ABHD1: variants seen among roughly 807,000 people sequenced by gnomAD.
ABHD1 encodes the protein protein ABHD1.
In ABHD1, 47 loss-of-function variants were observed where a neutral mutation model predicts 41.4. That is an observed-to-expected ratio of 1.13 (90% CI 0.90 to 1.45). The LOEUF (loss-of-function observed/expected upper bound fraction) is 1.45, where lower values mean the gene tolerates loss of function less well. ABHD1 is among the 40% of genes most tolerant of loss of function. The pLI is 0.00. For missense variants in ABHD1, 550 were observed against 503.4 expected (o/e 1.09, Z -0.89); for synonymous variants, 205 against 203.7 (o/e 1.01, Z -0.05).
In ABHD1 at chr2:27,123,843, C is replaced by G; in HGVS notation, c.-106C>G. On this transcript the variant is annotated 5_prime_UTR_variant, in exon 1 of 9. Transcript: ENST00000316470. ...AGCGCAAACTGCCTGCAGCGGGGAC[C>G]GGACCTGCACAGGCCGCCTATGGCG... 1 of 935,924 alleles carries G rather than the reference C, an allele frequency of 1.1e-6. No homozygotes were observed. Among genetic ancestry groups the G allele is most frequent in the Non-Finnish European group, 1.7e-6 (1 of 594,996 alleles). 58.0% of individuals were successfully genotyped at this position (935,924 alleles called of 1,614,324 possible). A position where few individuals can be genotyped will look rare whatever the true frequency, so the allele number is the denominator to read the frequency against.
At chr2:27,124,237 T>C (rs1279498264) in intron 1 of ABHD1, 175 bp downstream of exon 1, 1 of 708,854 alleles carries the variant, frequency 1.4e-6, no homozygotes, top group South Asian at 1.5e-5. Flanking sequence ...TCCCATGTGA[T>C]CCCCATGCCA....
At chr2:27,127,236 C>CTTTTTTT (rs61505752) in intron 1 of ABHD1, among the ~76,000 whole-genome samples, 10 of 82,714 alleles carry the variant, frequency 1.2e-4, no homozygotes, top group African/African-American at 3.8e-4. Flanking sequence ...GTAGCTTCAT[C>CTTTTTTT]TTTTTTTTTT....
intron 1 of ABHD1, chr2:27,126,634 CAGGGCTT>C (rs1476159762): frequency 1.3e-5 from 2 of 152,370 alleles, no homozygotes; most frequent in Admixed American, 1.3e-4. Flanking sequence ...AGCTGAAAGT[CAGGGCTT>C]AGTGCCCACT....
intron 2 of ABHD1, 63 bp downstream of exon 2, chr2:27,128,664 C>T: frequency 6.3e-7 from 1 of 1,591,324 alleles, no homozygotes; most frequent in Non-Finnish European, 8.6e-7. Flanking sequence ...ACCTATCTAC[C>T]ACTTTTAAAA....
chr2:27,130,642 CAT>C lies in ABHD1; in HGVS notation c.1117_1118del (p.Met373GlufsTer20). 1.2e-6 allele frequency: 2 copies of C among 1,614,206 alleles called. No homozygotes were observed. The highest frequency in any genetic ancestry group is 1.7e-6 in the Non-Finnish European group (2 of 1,180,016). ...GGCTGCTCCCGTGGCAGCACTGGTACATGAGCCGCCTCTTGCATCAGTACGCC... is the reference window on the plus strand; with the variant it reads ...GGCTGCTCCCGTGGCAGCACTGGTACGAGCCGCCTCTTGCATCAGTACGCC... ...EGLLPWQHWY[M>X]SRLLHQYAKA... On this transcript the variant is annotated frameshift_variant, in exon 9 of 9. Coordinates refer to ENST00000316470, the MANE Select transcript of ABHD1 (RefSeq NM_032604.4). LOFTEE classifies it low-confidence loss of function (END_TRUNC).
rs1558475360 is a variant in ABHD1 at position 27,129,572 on chromosome 2, TA to T, written c.566del (p.Lys189SerfsTer22). The T allele has an allele frequency of 6.2e-7, 1 of 1,614,026 alleles. No individual in the cohort carries two copies. The highest frequency in any genetic ancestry group is 8.5e-7 in the Non-Finnish European group (1 of 1,180,042). ...GATCTAGAGACAGTCGTGAACCACA[TA>T]AAGCATCGTTATCCCCAAGCTCCAC... The part of the protein sequence containing the change: ...TEDLETVVNH[I>X]KHRYPQAPLL... On this transcript the variant is annotated frameshift_variant, in exon 5 of 9. Coordinates refer to ENST00000316470, the MANE Select transcript of ABHD1 (RefSeq NM_032604.4). LOFTEE classifies it high-confidence loss of function.
chr2:27,130,641 A>G lies in ABHD1; in HGVS notation c.1115A>G (p.Tyr372Cys), dbSNP rs148295709. 3.2e-3 allele frequency: 5,132 copies of G among 1,614,204 alleles called. 17 individuals carry two copies. Among genetic ancestry groups the G allele is most frequent in the Non-Finnish European group, 4.0e-3 (4,767 of 1,180,018 alleles). Residue 372 changes from tyrosine (Y) to cysteine (C), a missense_variant, in exon 9 of 9, where the codon TAC becomes TGC. Tyr to Cys is a radical substitution (Grantham distance 194, BLOSUM62 -2). Coordinates refer to ENST00000316470, the MANE Select transcript of ABHD1 (RefSeq NM_032604.4). ...LEGLLPWQHW[Y>C]MSRLLHQYAK... is the part of the protein sequence containing the mutation. ...GGGCTGCTCCCGTGGCAGCACTGGT[A>G]CATGAGCCGCCTCTTGCATCAGTAC...
rs1386300731 is a variant in ABHD1 at position 27,130,322 on chromosome 2, C to T, written c.912C>T (p.Tyr304=). The T allele has an allele frequency of 1.2e-6, 2 of 1,614,184 alleles. No individual in the cohort carries two copies. Among genetic ancestry groups the T allele is most frequent in the South Asian group, 2.2e-5 (2 of 91,084 alleles). The part of the protein sequence containing the change: ...VAFGYQDCVT[Y]YKAASPRTKI... ...TTGGATATCAAGACTGTGTTACCTA[C>T]TACAAAGCAGCAAGCCCTAGAACCA... The change falls in exon 8 of 9, where the codon TAC becomes TAT. Residue 304 remains tyrosine, a synonymous_variant. Coordinates refer to ENST00000316470, the MANE Select transcript of ABHD1 (RefSeq NM_032604.4).
Position 27,129,815 on chromosome 2 carries a change from ACT to A in ABHD1, c.682_683del (p.Leu228ValfsTer8), listed in dbSNP as rs1208004970. The part of the protein sequence containing the change: ...RQAAGLVAAL[T>X]LSACWDSFET... ...GGCTGCAGGGCTGGTGGCAGCACTG[ACT>A]CTGTCTGCATGCTGGGATTCCTTTG... is the stretch of plus-strand genomic sequence containing the variant. On this transcript the variant is annotated frameshift_variant, in exon 6 of 9. Coordinates refer to ENST00000316470, the MANE Select transcript of ABHD1 (RefSeq NM_032604.4). LOFTEE classifies it high-confidence loss of function. 13 of 1,613,940 alleles carry A rather than the reference ACT, an allele frequency of 8.1e-6. No homozygotes were observed. In the South Asian group the frequency reaches 9.9e-5, roughly 12 times the overall value.
In ABHD1 at chr2:27,129,298, T is replaced by C. The variant is rs748774549; in HGVS notation, c.459-18T>C. On this transcript the variant is annotated intron_variant, in intron 3 of 8. Coordinates refer to ENST00000316470, the MANE Select transcript of ABHD1 (RefSeq NM_032604.4). ...GGCTAAGAAGGGTCTGGCTAAGATG[T>C]ACCTGTGTGTGCCACAGGGCTGTCG... The C allele has an allele frequency of 1.4e-5, 22 of 1,613,948 alleles. No individual in the cohort carries two copies. Among genetic ancestry groups the C allele is most frequent in the African/African-American group, 2.7e-5 (2 of 74,924 alleles).
At chr2:27,128,840 G>A in intron 2 of ABHD1, 105 bp from the exon 3 acceptor site, 6 of 1,365,682 alleles carry the variant, frequency 4.4e-6, no homozygotes, top group Admixed American at 2.1e-5. Flanking sequence ...AGATGATGCT[G>A]ACGGGAAGTG....
rs992111282 is a variant in ABHD1 at position 27,124,138 on chromosome 2, G to A, written c.114+76G>A. ...CTTCCAGACACGGGCTTGGGCCCTT[G>A]GTGGGAACTGGGATGGTTGGGCTTC... is the stretch of plus-strand genomic sequence containing the variant. On this transcript the variant is annotated intron_variant, in intron 1 of 8. Coordinates refer to ENST00000316470, the MANE Select transcript of ABHD1 (RefSeq NM_032604.4). The A allele has an allele frequency of 3.0e-6, 4 of 1,354,852 alleles. No homozygotes were observed. In the African/African-American group the frequency reaches 4.3e-5, roughly 15 times the overall value. The allele number at this position is 1,354,852 out of a possible 1,614,324, so 83.9% of individuals were successfully genotyped here. A position where few individuals can be genotyped will look rare whatever the true frequency, so the allele number is the denominator to read the frequency against.
chr2:27,127,381 C>T (rs112037986), intron 1 of ABHD1, among the ~76,000 whole-genome samples: 2 of 146,042 alleles, frequency 1.4e-5, no homozygotes, highest in South Asian at 2.2e-4. Flanking sequence ...AGTGAAACCC[C>T]GTCTCTACTG....
At chr2:27,130,442 T>G (rs1354845427) in intron 8 of ABHD1, 26 bp downstream of exon 8, 17 of 1,613,548 alleles carry the variant, frequency 1.1e-5, no homozygotes, top group Non-Finnish European at 1.4e-5. Flanking sequence ...CAGGACACTT[T>G]GGCCCCAAGG....
In ABHD1 at chr2:27,123,939, C is replaced by A. The variant is rs751999519; in HGVS notation, c.-10C>A. The A allele has an allele frequency of 2.5e-6, 4 of 1,613,204 alleles. No individual in the cohort carries two copies. The highest frequency in any genetic ancestry group is 2.5e-6 in the Non-Finnish European group (3 of 1,179,132). On this transcript the variant is annotated 5_prime_UTR_variant, in exon 1 of 9. Transcript: ENST00000316470. ...CCAGGAGCCTGAGGGTCGGAAGCCC[C>A]CAACACAAGATGCTGAGCTCCTTCC...
At position 27,130,556 on chromosome 2, in the gene ABHD1, C is replaced by T; in HGVS notation, c.1030C>T (p.His344Tyr). The change falls in exon 9 of 9, where the codon CAC (histidine) becomes TAC (tyrosine). Residue 344 changes from histidine to tyrosine, a missense_variant. Coordinates refer to ENST00000316470, the MANE Select transcript of ABHD1 (RefSeq NM_032604.4). ...AGCCCTTCCCATACAGGCCGCCCAA[C>T]ACTCCCCCTACGTTGCGCTGCTCAT... ...VCALPIQAAQ[H>Y]SPYVALLITA... 1.2e-6 allele frequency: 2 copies of T among 1,614,220 alleles called. No individual in the cohort carries two copies. The highest frequency in any genetic ancestry group is 1.7e-6 in the Non-Finnish European group (2 of 1,180,034).
chr2:27,124,126 G>A (rs1393187359), intron 1 of ABHD1, 64 bp downstream of exon 1: 4 of 1,471,022 alleles, frequency 2.7e-6, no homozygotes, highest in African/African-American at 1.4e-5. Flanking sequence ...CCAGACACGG[G>A]CTTGGGCCCT....
Position 27,129,553 on chromosome 2 carries a change from G to C in ABHD1, c.544G>C (p.Glu182Gln). 4 of 1,614,114 alleles carry C rather than the reference G, an allele frequency of 2.5e-6. No individual in the cohort carries two copies. Among genetic ancestry groups the C allele is most frequent in the Non-Finnish European group, 3.4e-6 (4 of 1,180,040 alleles). Reference sequence around the variant, plus strand: ...TTGTGCCAGCAATACTGAAGATCTAGAGACAGTCGTGAACCACATAAAGCA... The same window carrying C: ...TTGTGCCAGCAATACTGAAGATCTACAGACAGTCGTGAACCACATAAAGCA... ...AFCASNTEDL[E>Q]TVVNHIKHRY... Residue 182 changes from glutamate (E) to glutamine (Q), a missense_variant, in exon 5 of 9, where the codon GAG becomes CAG. Transcript: ENST00000316470.
chr2:27,130,480 C>T, intron 8 of ABHD1, 53 bp from the exon 9 acceptor site: 5 of 1,611,566 alleles, frequency 3.1e-6, no homozygotes, highest in Non-Finnish European at 4.2e-6. Context: ...ACGCAACAGA[C>T]AGCCTGGGCT....
Sources: gnomAD v4.1 joint callset for allele counts (sites outside exome capture counted in the v4.1 genomes callset) on GRCh38, gnomAD v4.1.1 for gene constraint, MANE v1.5 for transcripts, NCBI Gene and HGNC (gene_info 2026-07-23, HGNC 2026-07-21) for gene names.